Variants in PRKG2 observed in about 807,000 individuals in gnomAD.
PRKG2 encodes cGMP-dependent protein kinase 2.
PRKG2 carries 33 observed loss-of-function variants against 97.2 expected under a neutral mutation model. The ratio of observed to expected loss-of-function variants is 0.34; its 90% CI spans 0.26 to 0.45. PRKG2 has a LOEUF of 0.45. Ranked by LOEUF, PRKG2 falls within the 20% of genes least tolerant of loss-of-function variation. The probability of loss-of-function intolerance (pLI) is 1.00; values close to 1 mark genes in which losing one functional copy is unlikely to be tolerated. For missense variants in PRKG2, 638 were observed against 900.0 expected (o/e 0.71, Z 3.73); for synonymous variants, 330 against 321.8 (o/e 1.03, Z -0.27).
intron 14 of PRKG2, among the ~76,000 whole-genome samples, chr4:81,118,149 C>T (rs531160297): frequency 6.6e-6 from 1 of 152,078 alleles, no homozygotes; most frequent in South Asian, 2.1e-4. Flanking sequence ...TTTGTTTTTT[C>T]GCATCTTTTC....
intron 14 of PRKG2, among the ~76,000 whole-genome samples, chr4:81,111,065 TA>T (rs1438768306): frequency 6.6e-6 from 1 of 151,792 alleles, no homozygotes; most frequent in African/African-American, 2.4e-5. Flanking sequence ...AATGTAAAAA[TA>T]AAAACAAAAT....
intron 18 of PRKG2, among the ~76,000 whole-genome samples, chr4:81,090,388 T>G (rs1434126561): frequency 6.6e-6 from 1 of 151,820 alleles, no homozygotes; most frequent in Non-Finnish European, 1.5e-5. Context: ...AGAAATGATG[T>G]CTATTTATTT....
intron 17 of PRKG2, among the ~76,000 whole-genome samples, chr4:81,093,360 AACACACACACACACACACACACACACAC>A (rs60004845): frequency 3.4e-5 from 4 of 116,280 alleles, no homozygotes; most frequent in Admixed American, 8.6e-5. Flanking sequence ...CTCCCCCACC[AACACACACACACACACACACACACACAC>A]ACACACACAC....
intron 5 of PRKG2, among the ~76,000 whole-genome samples, chr4:81,169,037 T>C (rs1750232684): frequency 6.6e-6 from 1 of 152,028 alleles, no homozygotes; most frequent in African/African-American, 2.4e-5. Context: ...AGTTTTAATG[T>C]GAGACTAGTT....
intron 14 of PRKG2, among the ~76,000 whole-genome samples, chr4:81,114,026 T>C (rs1195858233): frequency 6.6e-6 from 1 of 151,848 alleles, no homozygotes; most frequent in African/African-American, 2.4e-5. Flanking sequence ...TACCTAAGAG[T>C]ATTTAGTAGA....
chr4:81,161,935 G>A (rs922468420), intron 6 of PRKG2, among the ~76,000 whole-genome samples: 2 of 151,952 alleles, frequency 1.3e-5, no homozygotes, highest in African/African-American at 4.8e-5. Context: ...TATCTGGAAG[G>A]GGGGGTGGGG....
At chr4:81,099,208 A>C (rs944932260) in intron 17 of PRKG2, among the ~76,000 whole-genome samples, 2 of 152,184 alleles carry the variant, frequency 1.3e-5, no homozygotes, top group African/African-American at 4.8e-5. Context: ...GGACAGATAG[A>C]TACAACTGTA....
At position 81,101,656 on chromosome 4, in the gene PRKG2, T is replaced by G. The variant is rs561626798; in HGVS notation, c.2126+2714A>C. Among the ~76,000 whole-genome samples the G allele has an allele frequency of 3.0e-3, 452 of 151,066 alleles. 2 individuals are homozygous for G. The highest frequency in any genetic ancestry group is 5.2e-3 in the South Asian group (25 of 4,782). On this transcript the variant is annotated intron_variant, in intron 17 of 18. Transcript: ENST00000264399. ...GAGTGCAGCACACCAACATGGCACA[T>G]GTATACATATGTAACTAACATGCAC...
intron 2 of PRKG2, among the ~76,000 whole-genome samples, chr4:81,198,068 T>A (rs1753071813): frequency 6.6e-6 from 1 of 152,218 alleles, no homozygotes; most frequent in Admixed American, 6.5e-5. Context: ...GTCAGCACAG[T>A]GCTAACAGTG....
chr4:81,188,525 A>G (rs887531768), intron 2 of PRKG2, among the ~76,000 whole-genome samples: 2 of 141,582 alleles, frequency 1.4e-5, no homozygotes, highest in Non-Finnish European at 2.9e-5. Flanking sequence ...ATTACTGGGT[A>G]TATACCCAAA....
chr4:81,090,282 T>G (rs1741410393), intron 18 of PRKG2, among the ~76,000 whole-genome samples: 1 of 151,938 alleles, frequency 6.6e-6, no homozygotes. Flanking sequence ...CACTTGAACC[T>G]GAGAGGTGAA....
chr4:81,211,033 G>C lies in PRKG2; in HGVS notation c.-14+3903C>G, dbSNP rs556266011. Among the ~76,000 whole-genome samples the C allele has an allele frequency of 2.0e-5, 3 of 152,226 alleles. No homozygotes were observed. In the South Asian group the frequency reaches 6.2e-4, roughly 32 times the overall value. ...CCATAGAAAGATCAGTGGTTGCCAG[G>C]AGCTTGGGGAAAGACAGAAAGGAAT... On this transcript the variant is annotated intron_variant, in intron 1 of 18. Transcript: ENST00000264399.
intron 13 of PRKG2, among the ~76,000 whole-genome samples, chr4:81,135,787 T>C (rs969935242): frequency 1.3e-5 from 2 of 152,116 alleles, no homozygotes; most frequent in African/African-American, 4.8e-5. Context: ...TGATCTTTTA[T>C]TAAAGTCCCC....
chr4:81,129,613 T>G (rs1745959385), intron 14 of PRKG2, among the ~76,000 whole-genome samples: 1 of 152,106 alleles, frequency 6.6e-6, no homozygotes, highest in Non-Finnish European at 1.5e-5. Context: ...TTTTTTATCT[T>G]TGTTGGTTTA....
rs559401043 is a variant in PRKG2 at position 81,148,810 on chromosome 4, C to G, written c.1154+74G>C. 5.0e-5 allele frequency: 62 copies of G among 1,234,462 alleles called. 1 individual carries two copies. The East Asian group carries it at 1.4e-3, about 29-fold the overall frequency. The allele number at this position is 1,234,462 out of a possible 1,614,324, so 76.5% of individuals were successfully genotyped here. A position where few individuals can be genotyped will look rare whatever the true frequency, so the allele number is the denominator to read the frequency against. On this transcript the variant is annotated intron_variant, in intron 9 of 18. Coordinates refer to ENST00000264399, the MANE Select transcript of PRKG2 (RefSeq NM_006259.3). The stretch of plus-strand genomic sequence containing the variant: ...AGTGGTGATGAATGAGAAAACAGAT[C>G]GGCCTTGAAGTAACAGAAGGCCAAG...
intron 17 of PRKG2, among the ~76,000 whole-genome samples, chr4:81,102,420 T>C (rs529031423): frequency 3.0e-4 from 46 of 152,192 alleles, no homozygotes; most frequent in Non-Finnish European, 5.3e-4. Flanking sequence ...TGGCTTTAAT[T>C]GACAGAGCAC....
Position 81,188,195 on chromosome 4 carries a change from A to C in PRKG2, c.462-13236T>G, listed in dbSNP as rs1263198934. 7.1e-3 allele frequency among the ~76,000 whole-genome samples: 1,060 copies of C among 149,810 alleles called. 20 individuals are homozygous for C. Among genetic ancestry groups the C allele is most frequent in the African/African-American group, 0.025 (992 of 39,186 alleles). ...TTACAAGAAAAAAACAAACAACCCC[A>C]TCAAACAGTGGGTGAAGGACATGAA... On this transcript the variant is annotated intron_variant, in intron 2 of 18. Coordinates refer to ENST00000264399, the MANE Select transcript of PRKG2 (RefSeq NM_006259.3).
intron 17 of PRKG2, among the ~76,000 whole-genome samples, chr4:81,098,883 C>G (rs915930850): frequency 3.3e-5 from 5 of 152,138 alleles, no homozygotes; most frequent in African/African-American, 1.2e-4. Context: ...ACAAAGTGAG[C>G]AAATGTTGTT....
chr4:81,094,491 GT>G (rs1741921549), intron 17 of PRKG2, among the ~76,000 whole-genome samples: 1 of 152,084 alleles, frequency 6.6e-6, no homozygotes, highest in African/African-American at 2.4e-5. Flanking sequence ...CTTGTGGAAG[GT>G]TTTAAGATGT....
Sources: gnomAD v4.1 joint callset for allele counts (sites outside exome capture counted in the v4.1 genomes callset) on GRCh38, gnomAD v4.1.1 for gene constraint, MANE v1.5 for transcripts, NCBI Gene and HGNC (gene_info 2026-07-23, HGNC 2026-07-21) for gene names.